The following THSD7B variants were observed in gnomAD, a reference collection of about 807,000 sequenced individuals.
THSD7B encodes thrombospondin type-1 domain-containing protein 7B.
Under a neutral mutation model 213.6 loss-of-function variants are expected in THSD7B, and 138 were observed. The observed-to-expected ratio is 0.65, with a 90% CI of 0.56 to 0.74. The LOEUF (loss-of-function observed/expected upper bound fraction) is 0.74. Among genes scored for constraint, THSD7B ranks in the 30% least tolerant of loss-of-function variants. The pLI, the probability that THSD7B is intolerant of heterozygous loss-of-function variation, is 0.00. For missense variants in THSD7B, 1,931 were observed against 1,991.5 expected (o/e 0.97, Z 0.58); for synonymous variants, 742 against 687.0 (o/e 1.08, Z -1.25).
chr2:137,136,841 T>C (rs1374230190), intron 5 of THSD7B, among the ~76,000 whole-genome samples: 3 of 152,210 alleles, frequency 2.0e-5, no homozygotes, highest in African/African-American at 7.2e-5. Context: ...TTTTTTATGT[T>C]GAAAATACTA....
At chr2:137,477,709 T>C (rs1349159) in intron 15 of THSD7B, among the ~76,000 whole-genome samples, 70,647 of 151,712 alleles carry the variant, frequency 0.47, 17,923 homozygotes, top group East Asian at 0.66. Context: ...ACACAAATTG[T>C]ACATGCCATT....
intron 3 of THSD7B, among the ~76,000 whole-genome samples, chr2:137,062,911 C>T (rs972934068): frequency 1.7e-4 from 26 of 151,898 alleles, no homozygotes; most frequent in African/African-American, 6.0e-4. Context: ...GTGTTGAGGT[C>T]TCCAAAAACA....
chr2:137,178,728 G>T (rs930869766), intron 7 of THSD7B, among the ~76,000 whole-genome samples: 2 of 152,196 alleles, frequency 1.3e-5, no homozygotes, highest in Admixed American at 6.5e-5. Flanking sequence ...GCTAAAGAGA[G>T]AGGAACTGCA....
intron 12 of THSD7B, among the ~76,000 whole-genome samples, chr2:137,375,100 C>T (rs72844344): frequency 0.048 from 7,269 of 152,092 alleles, 245 homozygotes; most frequent in East Asian, 0.074. Flanking sequence ...TTGAATCATC[C>T]GGGTGGCCAG....
intron 14 of THSD7B, among the ~76,000 whole-genome samples, chr2:137,442,970 A>G (rs1230430665): frequency 6.6e-6 from 1 of 152,102 alleles, no homozygotes; most frequent in African/African-American, 2.4e-5. Context: ...TTGTGTTGCA[A>G]ATGCCAAGTT....
chr2:137,002,999 C>G (rs1218750985), intron 2 of THSD7B, among the ~76,000 whole-genome samples: 1 of 151,988 alleles, frequency 6.6e-6, no homozygotes, highest in Non-Finnish European at 1.5e-5. Flanking sequence ...ATAAATTAAC[C>G]CTGCATATAC....
chr2:137,388,480 A>G (rs1342004386), intron 12 of THSD7B, among the ~76,000 whole-genome samples: 1 of 152,134 alleles, frequency 6.6e-6, no homozygotes, highest in East Asian at 1.9e-4. Context: ...GTCAGGGTAT[A>G]TATCACTTCA....
At chr2:137,126,349 C>T (rs1205950683) in intron 5 of THSD7B, among the ~76,000 whole-genome samples, 1 of 152,178 alleles carries the variant, frequency 6.6e-6, no homozygotes, top group African/African-American at 2.4e-5. Context: ...CTTGCTTCTG[C>T]TTCTACATTA....
chr2:137,025,289 T>C (rs1686528056), intron 2 of THSD7B, among the ~76,000 whole-genome samples: 1 of 152,148 alleles, frequency 6.6e-6, no homozygotes, highest in African/African-American at 2.4e-5. Flanking sequence ...TGGCCCCAAA[T>C]GCTCATTCCA....
At chr2:137,565,016 G>A (rs1286266648) in intron 16 of THSD7B, among the ~76,000 whole-genome samples, 1 of 152,028 alleles carries the variant, frequency 6.6e-6, no homozygotes, top group African/African-American at 2.4e-5. Context: ...CTAACTGGTG[G>A]CCTTATAAGA....
At chr2:136,799,752 A>G (rs549856517) in intron 1 of THSD7B, among the ~76,000 whole-genome samples, 2 of 152,086 alleles carry the variant, frequency 1.3e-5, no homozygotes, top group South Asian at 4.2e-4. Context: ...AGATTTGAAT[A>G]TCACTTTTTC....
chr2:137,163,195 A>C (rs1042799221), intron 6 of THSD7B, among the ~76,000 whole-genome samples: 13 of 152,242 alleles, frequency 8.5e-5, no homozygotes, highest in African/African-American at 2.9e-4. Flanking sequence ...GTAAAAGTCA[A>C]CCTGTGCAGA....
intron 2 of THSD7B, among the ~76,000 whole-genome samples, chr2:136,889,756 G>C (rs1205883222): frequency 1.3e-5 from 2 of 152,080 alleles, no homozygotes; most frequent in Non-Finnish European, 2.9e-5. Flanking sequence ...TTCTTTGGGA[G>C]ATTTTCCCAC....
intron 15 of THSD7B, among the ~76,000 whole-genome samples, chr2:137,558,752 T>A (rs1280109995): frequency 1.3e-5 from 2 of 152,130 alleles, no homozygotes; most frequent in Non-Finnish European, 2.9e-5. Flanking sequence ...GGTATTCAAT[T>A]AGGAAAAGAG....
At chr2:137,070,011 G>C (rs1427753284) in intron 3 of THSD7B, among the ~76,000 whole-genome samples, 1 of 151,404 alleles carries the variant, frequency 6.6e-6, no homozygotes, top group Non-Finnish European at 1.5e-5. Context: ...CATCCATATT[G>C]ATTTAATTTT....
chr2:137,292,762 A>G (rs1271372994), intron 12 of THSD7B, among the ~76,000 whole-genome samples: 2 of 152,108 alleles, frequency 1.3e-5, no homozygotes, highest in Non-Finnish European at 2.9e-5. Flanking sequence ...TTAACTCCCA[A>G]CTGCAATTTT....
At chr2:137,544,107 T>G (rs1476603818) in intron 15 of THSD7B, among the ~76,000 whole-genome samples, 1 of 151,736 alleles carries the variant, frequency 6.6e-6, no homozygotes, top group Admixed American at 6.6e-5. Context: ...GCAATTCTAC[T>G]TCTAGGTATA....
chr2:137,596,088 G>A lies in THSD7B; in HGVS notation c.3424-20087G>A, dbSNP rs547770969. On this transcript the variant is annotated intron_variant, in intron 17 of 27. Coordinates refer to ENST00000409968, the MANE Select transcript of THSD7B (RefSeq NM_001316349.2). The stretch of plus-strand genomic sequence containing the variant: ...GTAGGGTCAAAAAAATGAGATTATT[G>A]TAAGCCAGAAAGGTTAAGAAGGACA... 3.3e-5 allele frequency among the ~76,000 whole-genome samples: 5 copies of A among 152,032 alleles called. No homozygotes were observed. In the South Asian group the frequency reaches 8.3e-4, roughly 25 times the overall value.
At chr2:136,832,201 G>GTA (rs146521861) in intron 1 of THSD7B, among the ~76,000 whole-genome samples, 6,350 of 146,336 alleles carry the variant, frequency 0.043, 293 homozygotes, top group East Asian at 0.17. Context: ...GTGTGTGTGT[G>GTA]TATACACACA....
Sources: allele counts gnomAD v4.1 joint callset (sites outside exome capture counted in the v4.1 genomes callset), GRCh38; gene constraint gnomAD v4.1.1; transcripts MANE v1.5; gene names NCBI Gene and HGNC (gene_info 2026-07-23, HGNC 2026-07-21).